ERC2: variants seen among roughly 807,000 people sequenced by gnomAD.
ERC2 encodes ELKS/RAB6-interacting/CAST family member 2, also known as ERC protein 2.
ERC2 carries 42 observed loss-of-function variants against 114.8 expected under a neutral mutation model. The observed-to-expected ratio is 0.37, with a 90% CI of 0.29 to 0.47. The LOEUF is 0.47. ERC2 is among the 20% of genes least tolerant of loss of function. ERC2 has a pLI of 0.99. For missense variants in ERC2, 939 were observed against 1,150.7 expected (o/e 0.82, Z 2.66); for synonymous variants, 454 against 425.5 (o/e 1.07, Z -0.82).
At chr3:55,769,223 G>C (rs1345186772) in intron 14 of ERC2, among the ~76,000 whole-genome samples, 1 of 152,122 alleles carries the variant, frequency 6.6e-6, no homozygotes, top group Non-Finnish European at 1.5e-5. Flanking sequence ...CATTAAAGAA[G>C]TCTGTCTTTT....
At chr3:56,390,119 C>T (rs2060076985) in intron 2 of ERC2, among the ~76,000 whole-genome samples, 1 of 152,032 alleles carries the variant, frequency 6.6e-6, no homozygotes, top group African/African-American at 2.4e-5. Flanking sequence ...AAAAAAAATC[C>T]TTTTCTGAAA....
chr3:55,840,654 T>C (rs1337961358), intron 14 of ERC2, among the ~76,000 whole-genome samples: 1 of 152,014 alleles, frequency 6.6e-6, no homozygotes, highest in African/African-American at 2.4e-5. Flanking sequence ...AAAGAAAACA[T>C]TTGTGCATAA....
intron 17 of ERC2, among the ~76,000 whole-genome samples, chr3:55,525,966 C>A (rs968271698): frequency 4.6e-5 from 7 of 152,138 alleles, no homozygotes; most frequent in East Asian, 1.9e-4. Context: ...GAAATAGGGT[C>A]TTTGCAGATA....
chr3:55,652,182 T>C (rs906410332), intron 17 of ERC2, among the ~76,000 whole-genome samples: 4 of 152,178 alleles, frequency 2.6e-5, no homozygotes, highest in African/African-American at 9.7e-5. Flanking sequence ...GTTAAAAAAA[T>C]AGCTGCTCGT....
At chr3:56,257,791 G>A (rs1029673562) in intron 3 of ERC2, among the ~76,000 whole-genome samples, 1 of 152,186 alleles carries the variant, frequency 6.6e-6, no homozygotes, top group South Asian at 2.1e-4. Context: ...GACTGCCAGA[G>A]ATGTAAAAGC....
intron 3 of ERC2, among the ~76,000 whole-genome samples, chr3:56,248,770 T>C (rs965116388): frequency 4.6e-5 from 7 of 152,248 alleles, no homozygotes; most frequent in South Asian, 2.1e-4. Flanking sequence ...TAATGGAAAT[T>C]CTGAGATATT....
chr3:56,428,748 T>G (rs1377685507), intron 2 of ERC2, among the ~76,000 whole-genome samples: 10 of 152,214 alleles, frequency 6.6e-5, no homozygotes, highest in Admixed American at 6.5e-4. Flanking sequence ...AGTAGATTCT[T>G]TCCTAATGTG....
intron 6 of ERC2, among the ~76,000 whole-genome samples, chr3:56,111,349 ATC>A (rs1491469141): frequency 9.3e-6 from 1 of 108,074 alleles, no homozygotes; most frequent in African/African-American, 3.6e-5. Flanking sequence ...CTCTCCCTCA[ATC>A]TCTCTCTCCC....
At chr3:56,243,222 G>C (rs1463198464) in intron 3 of ERC2, among the ~76,000 whole-genome samples, 1 of 152,132 alleles carries the variant, frequency 6.6e-6, no homozygotes, top group East Asian at 1.9e-4. Flanking sequence ...CCAGACATCT[G>C]TTGGGCATGT....
At chr3:55,840,661 A>G (rs1314536464) in intron 14 of ERC2, among the ~76,000 whole-genome samples, 1 of 152,108 alleles carries the variant, frequency 6.6e-6, no homozygotes, top group Non-Finnish European at 1.5e-5. Context: ...ACATTTGTGC[A>G]TAAAAAGGCT....
chr3:56,130,446 T>C (rs2080135596), intron 6 of ERC2, among the ~76,000 whole-genome samples: 3 of 152,236 alleles, frequency 2.0e-5, no homozygotes, highest in Non-Finnish European at 4.4e-5. Context: ...GAATTTCCTT[T>C]TAGACATTTA....
At chr3:56,127,358 G>C (rs2079935419) in intron 6 of ERC2, among the ~76,000 whole-genome samples, 1 of 152,072 alleles carries the variant, frequency 6.6e-6, no homozygotes, top group Non-Finnish European at 1.5e-5. Context: ...ATCCCGAAAA[G>C]CCAAAGCAAT....
chr3:55,598,014 C>T (rs566498718), intron 17 of ERC2, among the ~76,000 whole-genome samples: 18 of 152,340 alleles, frequency 1.2e-4, no homozygotes, highest in Admixed American at 5.2e-4. Flanking sequence ...ATCTTGCTAA[C>T]GACAGAGCCT....
chr3:55,539,233 C>A, intron 17 of ERC2, among the ~76,000 whole-genome samples: 1 of 152,084 alleles, frequency 6.6e-6, no homozygotes, highest in Non-Finnish European at 1.5e-5. Flanking sequence ...CTTCGCATGG[C>A]TTCAGAGATC....
Position 56,360,204 on chromosome 3 carries a change from C to CG in ERC2, c.658-63770_658-63769insC, listed in dbSNP as rs1219409692. On this transcript the variant is annotated intron_variant, in intron 2 of 17. Coordinates refer to ENST00000288221, the MANE Select transcript of ERC2 (RefSeq NM_015576.3). ...AGCTGGGACTACAGGCACCCACCAC[C>CG]ACACCTGGCTAACTTTTTGCATTTT... Among the ~76,000 whole-genome samples, 3 of 151,754 alleles carry CG rather than the reference C, an allele frequency of 2.0e-5. No individual in the cohort carries two copies. In the East Asian group the frequency reaches 5.9e-4, roughly 30 times the overall value.
intron 2 of ERC2, among the ~76,000 whole-genome samples, chr3:56,327,479 A>T (rs773774058): frequency 7.2e-5 from 11 of 152,214 alleles, no homozygotes; most frequent in Admixed American, 2.0e-4. Flanking sequence ...CACAAAGCCT[A>T]ACCATATCAC....
intron 3 of ERC2, among the ~76,000 whole-genome samples, chr3:56,236,912 A>T (rs1244177148): frequency 6.6e-6 from 1 of 152,228 alleles, no homozygotes; most frequent in Non-Finnish European, 1.5e-5. Flanking sequence ...GTGTTGAATG[A>T]ACAACCAACA....
chr3:55,597,056 G>T (rs1040560783), intron 17 of ERC2, among the ~76,000 whole-genome samples: 13 of 152,150 alleles, frequency 8.5e-5, no homozygotes, highest in Admixed American at 3.3e-4. Context: ...CATGTGCTTG[G>T]TTACTTAGAA....
rs552233799 is a variant in ERC2, at chr3:55,922,292, T to C, written c.2403+28133A>G. ...AATATAGCCACCCAGGGGAAAAACA[T>C]CATAAAGATAGTAATTATGGTGAGA... On this transcript the variant is annotated intron_variant, in intron 13 of 17. Transcript: ENST00000288221. Among the ~76,000 whole-genome samples, 93 of 151,960 alleles carry C rather than the reference T, an allele frequency of 6.1e-4. 1 individual carries two copies. In the South Asian group the frequency reaches 0.019, roughly 31 times the overall value.
Sources: gnomAD v4.1 joint callset for allele counts (sites outside exome capture counted in the v4.1 genomes callset) on GRCh38, gnomAD v4.1.1 for gene constraint, MANE v1.5 for transcripts, NCBI Gene and HGNC (gene_info 2026-07-23, HGNC 2026-07-21) for gene names.